The following CABLES1 variants were observed in gnomAD, a reference collection of about 807,000 sequenced individuals.
CABLES1 encodes Cdk5 and Abl enzyme substrate 1, also known as CDK5 and ABL1 enzyme substrate 1.
A neutral mutation model predicts 57.8 loss-of-function variants in CABLES1; 36 were observed. The ratio of observed to expected loss-of-function variants is 0.62; its 90% CI spans 0.48 to 0.82. The LOEUF is 0.82. CABLES1 is among the 40% of genes least tolerant of loss of function. The probability of loss-of-function intolerance (pLI) is 0.00; values close to 1 mark genes in which losing one functional copy is unlikely to be tolerated. For missense variants in CABLES1, 767 were observed against 836.6 expected (o/e 0.92, Z 1.03); for synonymous variants, 374 against 363.0 (o/e 1.03, Z -0.35).
intron 4 of CABLES1, among the ~76,000 whole-genome samples, chr18:23,217,627 T>G (rs2047451752): frequency 6.6e-6 from 1 of 152,244 alleles, no homozygotes; most frequent in African/African-American, 2.4e-5. Flanking sequence ...TTAAATTTTT[T>G]TTTACTAATT....
At chr18:23,181,182 T>C (rs1341221603) in intron 1 of CABLES1, among the ~76,000 whole-genome samples, 1 of 152,088 alleles carries the variant, frequency 6.6e-6, no homozygotes, top group Admixed American at 6.6e-5. Flanking sequence ...TGGGAATGCA[T>C]GTATTAAAGA....
In CABLES1 at chr18:23,259,056, C is replaced by A. The variant is rs1333868655; in HGVS notation, c.*1689C>A. 6.6e-6 allele frequency: 1 copy of A among 152,020 alleles called. No individual in the cohort carries two copies. Among genetic ancestry groups the A allele is most frequent in the African/African-American group, 2.4e-5 (1 of 41,342 alleles). 9.4% of individuals were successfully genotyped at this position (152,020 alleles called of 1,614,324 possible). ...TGTGGTCTCTTTGGCTGATCGAAAGCTAGATCAACTGGTACTTAGGGCACT... is the reference window on the plus strand; with the variant it reads ...TGTGGTCTCTTTGGCTGATCGAAAGATAGATCAACTGGTACTTAGGGCACT... On this transcript the variant is annotated 3_prime_UTR_variant, in exon 10 of 10. Transcript: ENST00000256925.
At chr18:23,196,833 A>T (rs979350238) in intron 3 of CABLES1, 1 of 152,278 alleles carries the variant, frequency 6.6e-6, no homozygotes, top group African/African-American at 2.4e-5. Flanking sequence ...ACATCTGTGC[A>T]TTGGGCTGTG....
intron 1 of CABLES1, among the ~76,000 whole-genome samples, chr18:23,156,401 A>G (rs1409481343): frequency 6.6e-6 from 1 of 152,234 alleles, no homozygotes; most frequent in Non-Finnish European, 1.5e-5. Flanking sequence ...AGCGGGCACC[A>G]AGATTGTGTG....
chr18:23,150,386 G>C (rs568404721), intron 1 of CABLES1, among the ~76,000 whole-genome samples: 1 of 151,806 alleles, frequency 6.6e-6, no homozygotes, highest in East Asian at 1.9e-4. Flanking sequence ...TTTTGTGTGT[G>C]TATGTGTATT....
chr18:23,207,426 T>C (rs1249303021), intron 3 of CABLES1, among the ~76,000 whole-genome samples: 2 of 152,234 alleles, frequency 1.3e-5, no homozygotes, highest in African/African-American at 2.4e-5. Flanking sequence ...ATCTTCTCAC[T>C]GTAGACTGGT....
chr18:23,158,876 T>A (rs2046983093), intron 1 of CABLES1, among the ~76,000 whole-genome samples: 1 of 152,182 alleles, frequency 6.6e-6, no homozygotes. Context: ...CACTAAAGTG[T>A]ATTTAAAACT....
chr18:23,194,417 A>G (rs1295338886), intron 2 of CABLES1, 31 bp from the exon 3 acceptor site: 1 of 1,411,702 alleles, frequency 7.1e-7, no homozygotes, highest in African/African-American at 1.4e-5. Flanking sequence ...CAGGCAACTG[A>G]CTGTGTTTTT....
chr18:23,158,954 C>G (rs1238979909), intron 1 of CABLES1, among the ~76,000 whole-genome samples: 2 of 152,058 alleles, frequency 1.3e-5, no homozygotes, highest in Non-Finnish European at 2.9e-5. Context: ...GTCATGTGCC[C>G]CACTGGGTTG....
intron 1 of CABLES1, among the ~76,000 whole-genome samples, chr18:23,159,829 T>G (rs2144973167): frequency 6.6e-6 from 1 of 152,314 alleles, no homozygotes; most frequent in East Asian, 1.9e-4. Flanking sequence ...TTTTTCCCAT[T>G]TCATCTAAAG....
chr18:23,253,514 A>G (rs188706586), intron 8 of CABLES1, among the ~76,000 whole-genome samples: 23 of 152,306 alleles, frequency 1.5e-4, no homozygotes, highest in African/African-American at 5.5e-4. Context: ...AACATGTTTT[A>G]TACGACCTGA....
At chr18:23,158,654 C>T (rs1408078574) in intron 1 of CABLES1, among the ~76,000 whole-genome samples, 2 of 152,214 alleles carry the variant, frequency 1.3e-5, no homozygotes, top group Non-Finnish European at 2.9e-5. Context: ...GCAGATTAAA[C>T]AGACCTTTGT....
intron 1 of CABLES1, among the ~76,000 whole-genome samples, chr18:23,182,813 A>G (rs2047176688): frequency 6.6e-6 from 1 of 152,150 alleles, no homozygotes; most frequent in African/African-American, 2.4e-5. Flanking sequence ...GGCCTTGATC[A>G]GCTTGCCCCA....
Position 23,135,909 on chromosome 18 carries a change from C to G in CABLES1, c.147C>G (p.Pro49=). The G allele has an allele frequency of 9.2e-7, 1 of 1,083,670 alleles. No individual in the cohort carries two copies. Among genetic ancestry groups the G allele is most frequent in the Non-Finnish European group, 1.1e-6 (1 of 897,338 alleles). 67.1% of individuals were successfully genotyped at this position (1,083,670 alleles called of 1,614,324 possible). A position where few individuals can be genotyped will look rare whatever the true frequency, so the allele number is the denominator to read the frequency against. ...CCGCCGCGCCGGCCCAGCCGCCGCCCGAACCCCCCCGGAAGCCGCGCATGG... is the reference window on the plus strand; with the variant it reads ...CCGCCGCGCCGGCCCAGCCGCCGCCGGAACCCCCCCGGAAGCCGCGCATGG... ...PAAAAPAQPP[P]EPPRKPRMDP... Residue 49 remains proline (P), a synonymous_variant, in exon 1 of 10, where the codon CCC becomes CCG. Coordinates refer to ENST00000256925, the MANE Select transcript of CABLES1 (RefSeq NM_001100619.3).
intron 4 of CABLES1, chr18:23,219,286 C>T (rs975007838): frequency 2.4e-5 from 11 of 454,008 alleles, no homozygotes; most frequent in Non-Finnish European, 4.8e-5. Flanking sequence ...AGCTAGTAAA[C>T]CAATCATCAA....
chr18:23,255,841 G>A (rs9967383), intron 9 of CABLES1, among the ~76,000 whole-genome samples: 14,964 of 152,054 alleles, frequency 0.098, 1,379 homozygotes, highest in African/African-American at 0.25. Flanking sequence ...GATTTTAGGC[G>A]TGAGTCACCA....
chr18:23,141,573 AAC>A (rs995434753), intron 1 of CABLES1, among the ~76,000 whole-genome samples: 2 of 152,212 alleles, frequency 1.3e-5, no homozygotes, highest in African/African-American at 4.8e-5. Context: ...TTTTTCCAGC[AAC>A]CATGGGTTTT....
chr18:23,136,175 C>T lies in CABLES1; in HGVS notation c.413C>T (p.Pro138Leu). The T allele has an allele frequency of 1.6e-6, 2 of 1,225,874 alleles. No homozygotes were observed. Among genetic ancestry groups the T allele is most frequent in the Non-Finnish European group, 2.0e-6 (2 of 984,918 alleles). The allele number at this position is 1,225,874 out of a possible 1,614,324, so 75.9% of individuals were successfully genotyped here. ...PAAGLAAGSG[P>L]CLPQPSSLPP... ...GCGGGGTTAGCCGCTGGGTCCGGCC[C>T]CTGCCTCCCACAGCCCTCGTCGCTG... The change falls in exon 1 of 10, where the codon CCC becomes CTC. Residue 138 changes from proline (P) to leucine (L), a missense_variant. Pro to Leu is a moderately conservative substitution (Grantham distance 98). Transcript: ENST00000256925.
chr18:23,257,386 C>G lies in CABLES1; in HGVS notation c.*19C>G. ...TTCCTAGCACTGGCCCCGAGGACAG[C>G]CAAGGGCCATTTCTTCTCAGCTTGG... is the stretch of plus-strand genomic sequence containing the variant. On this transcript the variant is annotated 3_prime_UTR_variant, in exon 10 of 10. Coordinates refer to ENST00000256925, the MANE Select transcript of CABLES1 (RefSeq NM_001100619.3). 1.3e-6 allele frequency: 2 copies of G among 1,569,838 alleles called. No homozygotes were observed. The highest frequency in any genetic ancestry group is 2.4e-5 in the South Asian group (2 of 84,394).
Sources: gnomAD v4.1 joint callset for allele counts (sites outside exome capture counted in the v4.1 genomes callset) on GRCh38, gnomAD v4.1.1 for gene constraint, MANE v1.5 for transcripts, NCBI Gene and HGNC (gene_info 2026-07-23, HGNC 2026-07-21) for gene names.